Variants in JMJD1C observed in about 807,000 individuals in gnomAD.
JMJD1C encodes jumonji domain-containing protein 1C.
Under a neutral mutation model 245.3 loss-of-function variants are expected in JMJD1C, and 31 were observed. The ratio of observed to expected loss-of-function variants is 0.13; its 90% CI spans 0.09 to 0.17. The LOEUF is 0.17. Among genes scored for constraint, JMJD1C ranks in the 10% least tolerant of loss-of-function variants. The probability of loss-of-function intolerance (pLI) is 1.00; values close to 1 mark genes in which losing one functional copy is unlikely to be tolerated. For missense variants in JMJD1C, 2,691 were observed against 3,000.2 expected (o/e 0.90, Z 2.41); for synonymous variants, 1,057 against 1,017.4 (o/e 1.04, Z -0.74).
chr10:63,365,949 G>T (rs1477504919), intron 2 of JMJD1C, among the ~76,000 whole-genome samples: 1 of 152,172 alleles, frequency 6.6e-6, no homozygotes, highest in Non-Finnish European at 1.5e-5. Flanking sequence ...TTGGCCACTG[G>T]ACTATCTAAA....
At position 63,197,463 on chromosome 10, in the gene JMJD1C, T is replaced by C; in HGVS notation, c.5592A>G (p.Gly1864=). Residue 1864 remains glycine (G), a synonymous_variant, in exon 13 of 26, where the codon GGA becomes GGG. Transcript: ENST00000399262. ...TGTAACAATCTAAGCAGACCACAAA[T>C]CCACATTTTTGGCAGACCCAGTGAA... The part of the protein sequence containing the change: ...FNIHWVCQKC[G]FVVCLDCYKA... 1 of 1,613,424 alleles carries C rather than the reference T, an allele frequency of 6.2e-7. No homozygotes were observed.
chr10:63,519,836 G>C (rs1025947258), intron 1 of JMJD1C, among the ~76,000 whole-genome samples: 10 of 152,198 alleles, frequency 6.6e-5, no homozygotes, highest in African/African-American at 9.7e-5. Flanking sequence ...AGTAGTAAAA[G>C]TAAAGGCTGT....
At chr10:63,514,900 T>C (rs1337070262) in intron 1 of JMJD1C, among the ~76,000 whole-genome samples, 1 of 152,250 alleles carries the variant, frequency 6.6e-6, no homozygotes, top group Non-Finnish European at 1.5e-5. Context: ...TTTTTGCCTT[T>C]TAGTATGCCT....
chr10:63,210,284 A>G (rs1275419249), intron 8 of JMJD1C, among the ~76,000 whole-genome samples: 1 of 152,096 alleles, frequency 6.6e-6, no homozygotes, highest in Non-Finnish European at 1.5e-5. Context: ...TTTCTCAATA[A>G]TAGTGTCTTA....
chr10:63,506,733 G>C (rs1954730171), intron 1 of JMJD1C, among the ~76,000 whole-genome samples: 1 of 152,124 alleles, frequency 6.6e-6, no homozygotes, highest in Non-Finnish European at 1.5e-5. Flanking sequence ...CAGAAGAATG[G>C]TACATTTGTT....
chr10:63,452,225 G>T (rs1952114948), intron 1 of JMJD1C, among the ~76,000 whole-genome samples: 1 of 152,120 alleles, frequency 6.6e-6, no homozygotes, highest in African/African-American at 2.4e-5. Flanking sequence ...AATATGTAAA[G>T]AACTCCTATA....
intron 2 of JMJD1C, among the ~76,000 whole-genome samples, chr10:63,353,753 C>T (rs112381517): frequency 0.037 from 5,636 of 152,088 alleles, 336 homozygotes; most frequent in East Asian, 0.29. Context: ...GTGATCTGCC[C>T]GCCTCAGCCT....
At chr10:63,297,924 G>A (rs568323370) in intron 2 of JMJD1C, among the ~76,000 whole-genome samples, 6 of 152,208 alleles carry the variant, frequency 3.9e-5, no homozygotes, top group Non-Finnish European at 5.9e-5. Flanking sequence ...GCTGTGACAC[G>A]CTGTAACACC....
chr10:63,400,760 CTA>C (rs1243917426), intron 1 of JMJD1C, among the ~76,000 whole-genome samples: 1 of 152,010 alleles, frequency 6.6e-6, no homozygotes. Context: ...CGGGGTTTCA[CTA>C]TGTTTTTCAC....
intron 2 of JMJD1C, among the ~76,000 whole-genome samples, chr10:63,344,543 C>T (rs1943646305): frequency 6.6e-6 from 1 of 152,050 alleles, no homozygotes; most frequent in Non-Finnish European, 1.5e-5. Context: ...GCAATGAGTT[C>T]TTAGGTATGA....
chr10:63,368,561 T>C (rs1003350117), intron 2 of JMJD1C, among the ~76,000 whole-genome samples: 2 of 152,190 alleles, frequency 1.3e-5, no homozygotes, highest in African/African-American at 4.8e-5. Context: ...TGAGGCGGCA[T>C]AGCAAATTCC....
chr10:63,382,628 G>A (rs1947303614), intron 1 of JMJD1C, among the ~76,000 whole-genome samples: 1 of 152,136 alleles, frequency 6.6e-6, no homozygotes, highest in Non-Finnish European at 1.5e-5. Flanking sequence ...CCTTTAAGAT[G>A]GGAACAAGAC....
At chr10:63,426,507 C>T (rs559810081) in intron 1 of JMJD1C, among the ~76,000 whole-genome samples, 1 of 152,148 alleles carries the variant, frequency 6.6e-6, no homozygotes, top group Non-Finnish European at 1.5e-5. Flanking sequence ...CCCGTCTCTA[C>T]TGAAAATACA....
chr10:63,280,373 C>G (rs1253957767), intron 2 of JMJD1C, among the ~76,000 whole-genome samples: 1 of 151,888 alleles, frequency 6.6e-6, no homozygotes, highest in African/African-American at 2.4e-5. Flanking sequence ...CATGGTGAAA[C>G]CCGGTCTCTA....
intron 10 of JMJD1C, chr10:63,202,646 T>G: frequency 1.0e-6 from 1 of 985,484 alleles, no homozygotes; most frequent in African/African-American, 1.7e-5. Flanking sequence ...AGGAGCCATT[T>G]GGCTTAATCC....
At position 63,328,029 on chromosome 10, in the gene JMJD1C, C is replaced by T. The variant is rs111907155; in HGVS notation, c.333+52289G>A. Among the ~76,000 whole-genome samples, 210 of 152,176 alleles carry T rather than the reference C, an allele frequency of 1.4e-3. 1 individual carries two copies. Among genetic ancestry groups the T allele is most frequent in the Non-Finnish European group, 1.2e-3 (83 of 68,010 alleles). On this transcript the variant is annotated intron_variant, in intron 2 of 25. Coordinates refer to ENST00000399262, the MANE Select transcript of JMJD1C (RefSeq NM_032776.3). ...GTGGCTCACGCCTGCAATCCCAACA[C>T]TTTGGGAGGCCAAGCCAGGCGGATC... is the stretch of plus-strand genomic sequence containing the variant.
chr10:63,195,474 G>A (rs1023917639), intron 13 of JMJD1C, among the ~76,000 whole-genome samples: 5 of 151,926 alleles, frequency 3.3e-5, no homozygotes, highest in African/African-American at 9.7e-5. Context: ...AAACCTACAC[G>A]GTAACTTGCA....
intron 1 of JMJD1C, chr10:63,427,305 G>A: frequency 2.3e-6 from 2 of 878,516 alleles, no homozygotes; most frequent in Non-Finnish European, 3.3e-6. Context: ...CGATGGTGAA[G>A]TATTTCCTGG....
At chr10:63,272,819 A>G (rs1856457341) in intron 2 of JMJD1C, among the ~76,000 whole-genome samples, 1 of 152,214 alleles carries the variant, frequency 6.6e-6, no homozygotes, top group Admixed American at 6.5e-5. Context: ...TTATCTCATA[A>G]TCTTGCATAA....
Sources: allele counts gnomAD v4.1 joint callset (sites outside exome capture counted in the v4.1 genomes callset), GRCh38; gene constraint gnomAD v4.1.1; transcripts MANE v1.5; gene names NCBI Gene and HGNC (gene_info 2026-07-23, HGNC 2026-07-21).